The following CACNA2D3 variants were observed in gnomAD, a reference collection of about 807,000 sequenced individuals.
The protein encoded by CACNA2D3 is voltage-dependent calcium channel subunit alpha-2/delta-3.
A neutral mutation model predicts 160.6 loss-of-function variants in CACNA2D3; 60 were observed. The ratio of observed to expected loss-of-function variants is 0.37; its 90% confidence interval spans 0.30 to 0.46. The LOEUF is 0.46. Ranked by LOEUF, CACNA2D3 falls within the 20% of genes least tolerant of loss-of-function variation. The probability of loss-of-function intolerance (pLI) is 1.00; values close to 1 mark genes in which losing one functional copy is unlikely to be tolerated. For synonymous variants in CACNA2D3, 558 were observed against 492.9 expected, an observed-to-expected ratio of 1.13 and a Z score of -1.75; for missense variants, 1,205 against 1,365.0, an observed-to-expected ratio of 0.88 and a Z score of 1.85.
At chr3:54,996,267 C>T (rs1647810982) in intron 31 of CACNA2D3, among the ~76,000 whole-genome samples, 1 of 152,216 alleles carries the variant, frequency 6.6e-6, no homozygotes, top group African/African-American at 2.4e-5. Flanking sequence ...AACTCATTCC[C>T]AAAGCAGAAT....
rs1283712210 is a variant in CACNA2D3, at chr3:54,816,898, C to T, written c.1398+28C>T. ...AAATTCTCTTCTGTCACATTCCAGT[C>T]ACCCCCAGAACTCACGAGTCATGCA... On this transcript the variant is annotated intron_variant, in intron 14 of 37. Transcript: ENST00000474759. 1.9e-6 allele frequency: 3 copies of T among 1,613,260 alleles called. No homozygotes were observed. In the African/African-American group the frequency reaches 4.0e-5, roughly 21 times the overall value.
chr3:54,994,162 C>G (rs949761459), intron 31 of CACNA2D3, among the ~76,000 whole-genome samples: 1 of 152,076 alleles, frequency 6.6e-6, no homozygotes, highest in Non-Finnish European at 1.5e-5. Context: ...CAGGTAGAAT[C>G]CAAGATCTGT....
At chr3:54,472,378 G>C (rs139715655) in intron 4 of CACNA2D3, among the ~76,000 whole-genome samples, 5 of 152,228 alleles carry the variant, frequency 3.3e-5, no homozygotes, top group Middle Eastern at 3.4e-3. Context: ...AATAAACTAG[G>C]TGTTGATGGA....
chr3:54,961,391 A>G (rs941011203), intron 27 of CACNA2D3, among the ~76,000 whole-genome samples: 1 of 152,214 alleles, frequency 6.6e-6, no homozygotes, highest in South Asian at 2.1e-4. Flanking sequence ...AAGAGATGAA[A>G]TATATGGGAA....
At chr3:54,369,443 AG>A (rs1204146483) in intron 3 of CACNA2D3, among the ~76,000 whole-genome samples, 1 of 152,168 alleles carries the variant, frequency 6.6e-6, no homozygotes, top group Non-Finnish European at 1.5e-5. Context: ...CGGACAAGTC[AG>A]GGCCTTGACT....
At chr3:54,774,629 A>ATTTTTTTTT (rs111655457) in intron 13 of CACNA2D3, among the ~76,000 whole-genome samples, 2 of 107,916 alleles carry the variant, frequency 1.9e-5, no homozygotes, top group African/African-American at 3.8e-5. Flanking sequence ...CTCTTTGACT[A>ATTTTTTTTT]TTTTTTTTTT....
intron 35 of CACNA2D3, among the ~76,000 whole-genome samples, chr3:55,020,587 C>A (rs145316695): frequency 7.9e-5 from 12 of 151,766 alleles, no homozygotes; most frequent in African/African-American, 2.7e-4. Flanking sequence ...CGGTGGCTCA[C>A]GCCTGTAATC....
rs111357295 is a variant in CACNA2D3, at chr3:54,256,300, TC to T, written c.205-64140del. On this transcript the variant is annotated intron_variant, in intron 2 of 37. Transcript: ENST00000474759. ...GACTGCTGATTAATATGCCTAGCAT[TC>T]CATTATTGGAATGCTAAGCATATGG... 5.9e-5 allele frequency among the ~76,000 whole-genome samples: 9 copies of T among 152,294 alleles called. 1 individual carries two copies. Among genetic ancestry groups the T allele is most frequent in the African/African-American group, 2.2e-4 (9 of 41,562 alleles).
intron 35 of CACNA2D3, among the ~76,000 whole-genome samples, chr3:55,054,628 A>G (rs1316600753): frequency 2.0e-5 from 3 of 150,788 alleles, no homozygotes; most frequent in Admixed American, 2.0e-4. Context: ...ATATATTACC[A>G]TTATCTACTA....
At chr3:55,000,366 TGGCAATAGTATCAGGAAA>T (rs1702954248) in intron 31 of CACNA2D3, among the ~76,000 whole-genome samples, 1 of 152,104 alleles carries the variant, frequency 6.6e-6, no homozygotes. Context: ...ACCTCGTCAA[TGGCAATAGTATCAGGAAA>T]GCCTCCTTTT....
At chr3:55,018,427 G>A in intron 35 of CACNA2D3, 110 bp downstream of exon 35, 1 of 669,948 alleles carries the variant, frequency 1.5e-6, no homozygotes, top group South Asian at 1.7e-5. Flanking sequence ...AGAAAACATG[G>A]CTGCCCTCTT....
intron 14 of CACNA2D3, among the ~76,000 whole-genome samples, chr3:54,828,533 T>A (rs902560343): frequency 5.9e-5 from 9 of 152,314 alleles, no homozygotes; most frequent in Admixed American, 2.6e-4. Context: ...TATCCTAGAA[T>A]CACTGGAACA....
intron 31 of CACNA2D3, among the ~76,000 whole-genome samples, chr3:55,001,499 A>G (rs1702978769): frequency 6.6e-6 from 1 of 152,196 alleles, no homozygotes; most frequent in Non-Finnish European, 1.5e-5. Flanking sequence ...ACCACCCTAT[A>G]AGGTAGTCAT....
At chr3:54,848,989 G>A (rs955835622) in intron 17 of CACNA2D3, among the ~76,000 whole-genome samples, 18 of 152,320 alleles carry the variant, frequency 1.2e-4, no homozygotes, top group Non-Finnish European at 2.2e-4. Flanking sequence ...CTCAGCTTCC[G>A]TAAAGGTTGG....
intron 4 of CACNA2D3, among the ~76,000 whole-genome samples, chr3:54,465,554 TG>T (rs1241700735): frequency 1.3e-5 from 2 of 152,016 alleles, no homozygotes; most frequent in Non-Finnish European, 2.9e-5. Context: ...TGGATAAGAG[TG>T]GTCTACTGTA....
At chr3:54,359,468 G>A (rs561443018) in intron 3 of CACNA2D3, among the ~76,000 whole-genome samples, 24 of 152,256 alleles carry the variant, frequency 1.6e-4, no homozygotes, top group African/African-American at 4.8e-4. Flanking sequence ...GCTGGCAGGC[G>A]TCCTAGGCTC....
intron 9 of CACNA2D3, among the ~76,000 whole-genome samples, chr3:54,596,306 C>T (rs1262295875): frequency 3.9e-5 from 6 of 152,244 alleles, no homozygotes; most frequent in Admixed American, 6.5e-5. Flanking sequence ...AGTTCCATTC[C>T]GCTGGTCCTG....
chr3:54,631,629 C>T (rs1397619539), intron 10 of CACNA2D3, among the ~76,000 whole-genome samples: 3 of 152,306 alleles, frequency 2.0e-5, no homozygotes, highest in Admixed American at 6.5e-5. Flanking sequence ...GGAGTTTATT[C>T]TGTTTTACAG....
chr3:54,771,219 G>C (rs1702315867), intron 13 of CACNA2D3, among the ~76,000 whole-genome samples: 1 of 152,156 alleles, frequency 6.6e-6, no homozygotes, highest in African/African-American at 2.4e-5. Flanking sequence ...TTTCCATCTA[G>C]AAACAACCAA....
Sources: allele counts gnomAD v4.1 joint callset (sites outside exome capture counted in the v4.1 genomes callset), GRCh38; gene constraint gnomAD v4.1.1; transcripts MANE v1.5; gene names NCBI Gene and HGNC (gene_info 2026-07-23, HGNC 2026-07-21).